Variants in CDKL3 observed in about 807,000 individuals in gnomAD.
CDKL3 encodes the protein cyclin-dependent kinase-like 3.
CDKL3 carries 65 observed loss-of-function variants against 69.3 expected under a neutral mutation model. The observed-to-expected ratio is 0.94, with a 90% CI of 0.77 to 1.15. The LOEUF (loss-of-function observed/expected upper bound fraction) is 1.15. Ranked by LOEUF, CDKL3 falls within the 50% of genes most tolerant of loss-of-function variation. CDKL3 has a pLI of 0.00. For synonymous variants in CDKL3, 202 were observed against 221.6 expected (o/e 0.91, Z 0.79); for missense variants, 652 against 689.2 (o/e 0.95, Z 0.61).
At chr5:134,319,613 G>C (rs945346332) in intron 5 of CDKL3, 116 bp from the exon 6 acceptor site, 2 of 918,214 alleles carry the variant, frequency 2.2e-6, no homozygotes, top group African/African-American at 1.8e-5. Context: ...GGAAGAATGT[G>C]AATTATGTAT....
intron 6 of CDKL3, among the ~76,000 whole-genome samples, chr5:134,318,385 T>C (rs1270046444): frequency 1.3e-5 from 2 of 152,114 alleles, no homozygotes; most frequent in Non-Finnish European, 2.9e-5. Flanking sequence ...TCAGGTCCTG[T>C]AGATATTTTA....
At chr5:134,339,393 C>T (rs929337188) in intron 4 of CDKL3, among the ~76,000 whole-genome samples, 1 of 151,782 alleles carries the variant, frequency 6.6e-6, no homozygotes, top group Admixed American at 6.6e-5. Context: ...AAAAGACTGC[C>T]CTAATACAAG....
chr5:134,304,423 C>T lies in CDKL3; in HGVS notation c.1603G>A (p.Asp535Asn), dbSNP rs1337762611. 2 of 1,610,988 alleles carry T rather than the reference C, an allele frequency of 1.2e-6. No individual in the cohort carries two copies. Among genetic ancestry groups the T allele is most frequent in the Admixed American group, 3.4e-5 (2 of 59,560 alleles). The change falls in exon 11 of 13, where the codon GAT becomes AAT. Residue 535 changes from aspartate to asparagine, a missense_variant. Coordinates refer to ENST00000265334, the MANE Select transcript of CDKL3 (RefSeq NM_001113575.2). The stretch of plus-strand genomic sequence containing the variant: ...TGTGTACCTTCCATTCCTTTTGTAT[C>T]TTTTGACTGTATTGTGACAGGCAAT... ...PELPVTIQSK[D>N]TKGMEVKQIK...
chr5:134,371,262 T>C, upstream of CDKL3: 5 of 409,690 alleles, frequency 1.2e-5, no homozygotes, highest in South Asian at 1.3e-4. Context: ...GGTCTTTGAA[T>C]CCACAACCTC....
At chr5:134,364,342 A>T (rs189777465) in intron 2 of CDKL3, among the ~76,000 whole-genome samples, 16 of 152,214 alleles carry the variant, frequency 1.1e-4, no homozygotes, top group Admixed American at 2.6e-4. Context: ...CCTACTGGTA[A>T]TCTTTACTTA....
intron 6 of CDKL3, among the ~76,000 whole-genome samples, chr5:134,313,756 T>A (rs1423901987): frequency 6.6e-6 from 1 of 150,664 alleles, no homozygotes; most frequent in Non-Finnish European, 1.5e-5. Flanking sequence ...GTTTTTTTTT[T>A]ACCAAAATAA....
At chr5:134,287,393 A>T (rs1764917521) in intron 8 of CDKL3, among the ~76,000 whole-genome samples, 1 of 151,962 alleles carries the variant, frequency 6.6e-6, no homozygotes, top group Non-Finnish European at 1.5e-5. Context: ...TATCCTTGTG[A>T]CTCTATTCTG....
At chr5:134,302,875 TCTA>T (rs1031335814) in intron 11 of CDKL3, among the ~76,000 whole-genome samples, 188 bp from the exon 12 acceptor site, 4 of 152,154 alleles carry the variant, frequency 2.6e-5, no homozygotes, top group Admixed American at 6.5e-5. Flanking sequence ...TTACAAATAG[TCTA>T]CTAAGTATTA....
chr5:134,311,985 G>A (rs1185557947), intron 7 of CDKL3, among the ~76,000 whole-genome samples: 3 of 152,006 alleles, frequency 2.0e-5, no homozygotes, highest in African/African-American at 7.2e-5. Context: ...TGTAGAGACA[G>A]GGGTCTCTCT....
chr5:134,356,498 T>C (rs553428583), intron 3 of CDKL3, among the ~76,000 whole-genome samples: 114 of 152,288 alleles, frequency 7.5e-4, no homozygotes, highest in African/African-American at 2.6e-3. Flanking sequence ...TTAAAAACTC[T>C]CATTGGTGGC....
At chr5:134,371,604 C>T (rs748632151), upstream of CDKL3, 8 of 1,612,808 alleles carry the variant, frequency 5.0e-6, no homozygotes, top group African/African-American at 2.7e-5. Flanking sequence ...GCATGTCGAC[C>T]CCGGCCCGGA....
chr5:134,345,157 CATAG>C (rs369742006), intron 4 of CDKL3, among the ~76,000 whole-genome samples: 225 of 152,016 alleles, frequency 1.5e-3, no homozygotes, highest in African/African-American at 5.2e-3. Flanking sequence ...ATAGGGGTGT[CATAG>C]ATAAAGGGTA....
intron 6 of CDKL3, among the ~76,000 whole-genome samples, chr5:134,314,803 T>G (rs1030741195): frequency 6.6e-6 from 1 of 152,028 alleles, no homozygotes; most frequent in Non-Finnish European, 1.5e-5. Flanking sequence ...GGGACAGAAA[T>G]GGAAGAAAAG....
At chr5:134,319,807 CA>C (rs1772254713) in intron 5 of CDKL3, among the ~76,000 whole-genome samples, 1 of 152,192 alleles carries the variant, frequency 6.6e-6, no homozygotes, top group South Asian at 2.1e-4. Flanking sequence ...AACTTTTACG[CA>C]TTTCCATATG....
intron 4 of CDKL3, among the ~76,000 whole-genome samples, chr5:134,339,565 A>G (rs757609836): frequency 6.6e-6 from 1 of 152,188 alleles, no homozygotes; most frequent in Non-Finnish European, 1.5e-5. Flanking sequence ...AACAAATTAG[A>G]CCTAATAACT....
intron 8 of CDKL3, among the ~76,000 whole-genome samples, chr5:134,290,156 C>T (rs1765060482): frequency 6.6e-6 from 1 of 151,946 alleles, no homozygotes; most frequent in South Asian, 2.1e-4. Flanking sequence ...GAAATCAAGA[C>T]CCTCCTGGCC....
intron 5 of CDKL3, among the ~76,000 whole-genome samples, chr5:134,319,943 G>C (rs1402062610): frequency 6.6e-6 from 1 of 152,206 alleles, no homozygotes; most frequent in Non-Finnish European, 1.5e-5. Flanking sequence ...CAAGGCTAGA[G>C]AGTAGTAGCA....
intron 11 of CDKL3, among the ~76,000 whole-genome samples, chr5:134,303,971 C>A (rs1767064772): frequency 6.7e-6 from 1 of 150,070 alleles, no homozygotes; most frequent in African/African-American, 2.5e-5. Flanking sequence ...CTCATTATGT[C>A]ATCCTGGAGT....
At chr5:134,340,429 C>T (rs566023784) in intron 4 of CDKL3, among the ~76,000 whole-genome samples, 129 of 152,136 alleles carry the variant, frequency 8.5e-4, no homozygotes, top group African/African-American at 3.1e-3. Context: ...AAACCAAAAG[C>T]TATTTTTTTG....
Sources: allele counts gnomAD v4.1 joint callset (sites outside exome capture counted in the v4.1 genomes callset), GRCh38; gene constraint gnomAD v4.1.1; transcripts MANE v1.5; gene names NCBI Gene and HGNC (gene_info 2026-07-23, HGNC 2026-07-21).